Variants in PPP2R2B observed in about 807,000 individuals in gnomAD.
The protein encoded by PPP2R2B is protein phosphatase 2 regulatory subunit Bbeta, also known as serine/threonine-protein phosphatase 2A 55 kDa regulatory subunit B beta isoform.
Under a neutral mutation model 46.0 loss-of-function variants are expected in PPP2R2B, and 5 were observed. The ratio of observed to expected loss-of-function variants is 0.11; its 90% CI spans 0.06 to 0.23. The LOEUF is 0.23. Among genes scored for constraint, PPP2R2B ranks in the 10% least tolerant of loss-of-function variants. The probability of loss-of-function intolerance (pLI) is 1.00; values close to 1 mark genes in which losing one functional copy is unlikely to be tolerated. For synonymous variants in PPP2R2B, 215 were observed against 206.7 expected (o/e 1.04, Z -0.34); for missense variants, 367 against 575.0 (o/e 0.64, Z 3.70).
chr5:147,000,303 T>C (rs941674103), intron 1 of PPP2R2B, among the ~76,000 whole-genome samples: 4 of 152,104 alleles, frequency 2.6e-5, no homozygotes, highest in African/African-American at 7.2e-5. Context: ...CTGCTGTTAG[T>C]TCAATCACTG....
At chr5:146,970,330 G>A (rs1410596957) in intron 1 of PPP2R2B, among the ~76,000 whole-genome samples, 2 of 152,020 alleles carry the variant, frequency 1.3e-5, no homozygotes, top group African/African-American at 4.8e-5. Flanking sequence ...GCCGGGTGCG[G>A]TGGTTCATGC....
At chr5:146,947,931 CT>C (rs1221071321) in intron 1 of PPP2R2B, among the ~76,000 whole-genome samples, 1 of 151,696 alleles carries the variant, frequency 6.6e-6, no homozygotes. Flanking sequence ...ACCCAATCAC[CT>C]TCTCTGTAAA....
chr5:146,903,612 G>A (rs1484029242), intron 1 of PPP2R2B, among the ~76,000 whole-genome samples: 1 of 151,830 alleles, frequency 6.6e-6, no homozygotes, highest in East Asian at 1.9e-4. Flanking sequence ...TGCCTGGACT[G>A]GTCTCAAACT....
chr5:146,685,667 C>A (rs1490666497), intron 5 of PPP2R2B, among the ~76,000 whole-genome samples: 1 of 152,102 alleles, frequency 6.6e-6, no homozygotes, highest in East Asian at 1.9e-4. Context: ...ATGGTTGTGT[C>A]CAAATTGCCA....
chr5:146,930,457 G>C (rs1763931966), intron 1 of PPP2R2B, among the ~76,000 whole-genome samples: 2 of 152,128 alleles, frequency 1.3e-5, no homozygotes, highest in Admixed American at 1.3e-4. Context: ...ATTCTTTCTT[G>C]GGGGAAAGAA....
chr5:146,993,378 G>A (rs1306980833), intron 1 of PPP2R2B, among the ~76,000 whole-genome samples: 1 of 151,752 alleles, frequency 6.6e-6, no homozygotes, highest in African/African-American at 2.4e-5. Context: ...GAGTAGCTGG[G>A]ACTACAGGCT....
chr5:146,935,507 G>A (rs1370354434), intron 1 of PPP2R2B, among the ~76,000 whole-genome samples: 1 of 152,146 alleles, frequency 6.6e-6, no homozygotes, highest in Non-Finnish European at 1.5e-5. Context: ...ATTATGCCAT[G>A]TAATCCATGC....
At chr5:147,038,111 T>C (rs1406592776) in intron 1 of PPP2R2B, among the ~76,000 whole-genome samples, 1 of 152,180 alleles carries the variant, frequency 6.6e-6, no homozygotes, top group Non-Finnish European at 1.5e-5. Flanking sequence ...CTTCCTGGTA[T>C]AGTTTTTAGG....
chr5:146,905,581 A>G (rs1762970152), intron 1 of PPP2R2B, among the ~76,000 whole-genome samples: 2 of 152,142 alleles, frequency 1.3e-5, no homozygotes, highest in Non-Finnish European at 2.9e-5. Flanking sequence ...CTTTATTTAT[A>G]AGCCAAAAAC....
At position 146,585,158 on chromosome 5, in the gene PPP2R2B, C is replaced by A. The variant is rs1164248644; in HGVS notation, c.*4789G>T. 6.6e-6 allele frequency: 1 copy of A among 152,072 alleles called. No individual in the cohort carries two copies. Among genetic ancestry groups the A allele is most frequent in the Non-Finnish European group, 1.5e-5 (1 of 68,008 alleles). The allele number at this position is 152,072 out of a possible 1,614,324, so 9.4% of individuals were successfully genotyped here. A position where few individuals can be genotyped will look rare whatever the true frequency, so the allele number is the denominator to read the frequency against. On this transcript the variant is annotated 3_prime_UTR_variant, in exon 10 of 10. Transcript: ENST00000394411. ...CTCCAGCCCCTTGTCTAGAACCTGGCTGCCTGACACATCCCAGGCAACCAA... is the reference window on the plus strand; with the variant it reads ...CTCCAGCCCCTTGTCTAGAACCTGGATGCCTGACACATCCCAGGCAACCAA...
chr5:146,661,447 C>T (rs946389168), intron 5 of PPP2R2B, among the ~76,000 whole-genome samples: 1 of 151,854 alleles, frequency 6.6e-6, no homozygotes, highest in Non-Finnish European at 1.5e-5. Flanking sequence ...AAGATATATA[C>T]ATATATACAT....
intron 6 of PPP2R2B, among the ~76,000 whole-genome samples, chr5:146,640,849 C>T (rs545488242): frequency 1.3e-4 from 20 of 152,290 alleles, no homozygotes; most frequent in African/African-American, 4.1e-4. Context: ...GCTGTGCCCA[C>T]GAGATCTGCC....
intron 6 of PPP2R2B, among the ~76,000 whole-genome samples, chr5:146,641,697 A>G (rs1397835538): frequency 6.6e-6 from 1 of 152,102 alleles, no homozygotes; most frequent in Admixed American, 6.5e-5. Context: ...CTAGAAACCC[A>G]GGCATTTTCC....
intron 2 of PPP2R2B, chr5:146,701,350 T>C: frequency 2.9e-6 from 2 of 699,468 alleles, no homozygotes. Flanking sequence ...CACAGTGGTC[T>C]CCTGGAACAT....
chr5:147,052,455 A>C (rs1756872411), intron 1 of PPP2R2B, among the ~76,000 whole-genome samples: 1 of 152,218 alleles, frequency 6.6e-6, no homozygotes, highest in Admixed American at 6.5e-5. Flanking sequence ...TGGTTTGCTC[A>C]TAATGACAAA....
rs112779596 is a variant in PPP2R2B at position 146,763,057 on chromosome 5, T to G, written c.71-61915A>C. Among the ~76,000 whole-genome samples the G allele has an allele frequency of 9.0e-3, 1,367 of 152,306 alleles. 30 individuals are homozygous for G. The highest frequency in any genetic ancestry group is 0.031 in the African/African-American group (1,309 of 41,570). ...CTCTGTGAGCCTGTTTTGCTAGATT[T>G]CTGCCTGGAGCACTTGGCCATAACA... On this transcript the variant is annotated intron_variant, in intron 2 of 9. Coordinates refer to ENST00000394411, the MANE Select transcript of PPP2R2B (RefSeq NM_181675.4).
intron 7 of PPP2R2B, among the ~76,000 whole-genome samples, chr5:146,607,984 A>G (rs928037993): frequency 6.6e-6 from 1 of 152,214 alleles, no homozygotes; most frequent in Non-Finnish European, 1.5e-5. Context: ...TATAATTTTT[A>G]TGTGTCATAA....
intron 2 of PPP2R2B, among the ~76,000 whole-genome samples, chr5:146,782,261 C>T (rs1370690893): frequency 6.6e-6 from 1 of 152,190 alleles, no homozygotes; most frequent in Non-Finnish European, 1.5e-5. Context: ...CAGGAACGAT[C>T]TATTACATTA....
At chr5:146,987,156 A>ACAT (rs1246352548) in intron 1 of PPP2R2B, among the ~76,000 whole-genome samples, 4 of 152,182 alleles carry the variant, frequency 2.6e-5, no homozygotes, top group Non-Finnish European at 5.9e-5. Flanking sequence ...TATCTGGCAA[A>ACAT]GCTATCCTTA....
Sources: allele counts gnomAD v4.1 joint callset (sites outside exome capture counted in the v4.1 genomes callset), GRCh38; gene constraint gnomAD v4.1.1; transcripts MANE v1.5; gene names NCBI Gene and HGNC (gene_info 2026-07-23, HGNC 2026-07-21).